The following ANXA6 variants were observed in gnomAD, a reference collection of about 807,000 sequenced individuals.
ANXA6 encodes 67 kDa calelectrin.
In ANXA6, 71 loss-of-function variants were observed where a neutral mutation model predicts 95.4. The observed-to-expected ratio is 0.74, with a 90% CI of 0.61 to 0.91. The LOEUF (loss-of-function observed/expected upper bound fraction) is 0.91. Ranked by LOEUF, ANXA6 falls within the 40% of genes least tolerant of loss-of-function variation. The probability of loss-of-function intolerance (pLI) is 0.00; values close to 1 mark genes in which losing one functional copy is unlikely to be tolerated. For synonymous variants in ANXA6, 289 were observed against 315.9 expected (o/e 0.91, Z 0.90); for missense variants, 830 against 876.4 (o/e 0.95, Z 0.67).
At chr5:151,108,606 G>T in intron 22 of ANXA6, 56 bp from the exon 23 acceptor site, 2 of 1,487,242 alleles carry the variant, frequency 1.3e-6, no homozygotes, top group Non-Finnish European at 9.4e-7. Context: ...GGAGGCGGAG[G>T]ACCCCTCCTC....
chr5:151,106,866 C>T (rs1764706860), intron 23 of ANXA6, among the ~76,000 whole-genome samples: 1 of 152,172 alleles, frequency 6.6e-6, no homozygotes, highest in Admixed American at 6.5e-5. Flanking sequence ...CGATGCCTGC[C>T]ATTGGATGGA....
At chr5:151,104,889 G>A (rs1277697709) in intron 24 of ANXA6, among the ~76,000 whole-genome samples, 2 of 152,226 alleles carry the variant, frequency 1.3e-5, no homozygotes, top group Non-Finnish European at 1.5e-5. Context: ...TCTCAACCTT[G>A]GCATTTGGGG....
chr5:151,129,283 T>G, intron 12 of ANXA6, 124 bp downstream of exon 12: 2 of 1,230,558 alleles, frequency 1.6e-6, no homozygotes, highest in Non-Finnish European at 2.3e-6. Context: ...AGGCAGGAGC[T>G]CCTGGAATGT....
intron 6 of ANXA6, 22 bp from the exon 7 acceptor site, chr5:151,136,357 C>G: frequency 6.2e-7 from 1 of 1,612,690 alleles, no homozygotes; most frequent in Non-Finnish European, 8.5e-7. Context: ...AACGCAAGCT[C>G]TAGTCTCATC....
intron 20 of ANXA6, among the ~76,000 whole-genome samples, chr5:151,111,381 T>C (rs1211463797): frequency 6.6e-6 from 1 of 152,248 alleles, no homozygotes; most frequent in Non-Finnish European, 1.5e-5. Flanking sequence ...GCTGACTTTA[T>C]TCTATTGGAT....
At chr5:151,101,889 C>T (rs1009172121) in intron 25 of ANXA6, among the ~76,000 whole-genome samples, 1 of 152,246 alleles carries the variant, frequency 6.6e-6, no homozygotes, top group Non-Finnish European at 1.5e-5. Context: ...CTCTGAGAAG[C>T]ACTCTGGCCA....
chr5:151,152,727 A>G (rs1382516285), intron 1 of ANXA6, among the ~76,000 whole-genome samples: 1 of 152,162 alleles, frequency 6.6e-6, no homozygotes, highest in African/African-American at 2.4e-5. Flanking sequence ...TTATACATGT[A>G]TAAAGTTAAA....
chr5:151,129,257 C>G, intron 12 of ANXA6, 150 bp downstream of exon 12: 1 of 996,960 alleles, frequency 1.0e-6, no homozygotes, highest in Non-Finnish European at 1.4e-6. Context: ...TCCTTAAATT[C>G]CTTGAATGAG....
intron 25 of ANXA6, 55 bp downstream of exon 25, chr5:151,103,515 T>C: frequency 6.4e-7 from 1 of 1,556,692 alleles, no homozygotes; most frequent in Non-Finnish European, 8.7e-7. Flanking sequence ...TCTAATCTTA[T>C]ATTAGGGATC....
chr5:151,126,551 C>T (rs1357743879), intron 13 of ANXA6, 71 bp from the exon 14 acceptor site: 6 of 481,200 alleles, frequency 1.2e-5, no homozygotes, highest in Non-Finnish European at 2.1e-5. Context: ...CCAACACACA[C>T]ACACACACAC....
At chr5:151,113,652 GT>G (rs1160832456) in intron 20 of ANXA6, among the ~76,000 whole-genome samples, 2 of 152,072 alleles carry the variant, frequency 1.3e-5, no homozygotes, top group Non-Finnish European at 2.9e-5. Flanking sequence ...TAAAAAAAAA[GT>G]GGTGGGACAC....
rs1764795210 is a variant in ANXA6 at position 151,109,740 on chromosome 5, G to A, written c.1684+13C>T. On this transcript the variant is annotated intron_variant, in intron 22 of 25. Transcript: ENST00000354546. ...TTCCTGCTGAGCTGGGAAGGGAGGAGGTCAGGCCTCACCTCTCCGGAGGTG... is the reference window on the plus strand; with the variant it reads ...TTCCTGCTGAGCTGGGAAGGGAGGAAGTCAGGCCTCACCTCTCCGGAGGTG... The A allele has an allele frequency of 1.9e-6, 3 of 1,595,398 alleles. No homozygotes were observed. The highest frequency in any genetic ancestry group is 1.3e-5 in the African/African-American group (1 of 74,622).
chr5:151,141,039 G>A (rs955327906), intron 2 of ANXA6, among the ~76,000 whole-genome samples: 3 of 152,262 alleles, frequency 2.0e-5, no homozygotes, highest in African/African-American at 7.2e-5. Flanking sequence ...AAACTGCGCT[G>A]TGAACTGGCA....
Position 151,147,909 on chromosome 5 carries a change from G to C in ANXA6, c.-8C>G, listed in dbSNP as rs540689076. On this transcript the variant is annotated 5_prime_UTR_variant, in exon 2 of 26. Transcript: ENST00000354546. The stretch of plus-strand genomic sequence containing the variant: ...CTGTGCTGGTTTGGCCATGGTCTCC[G>C]GTTCGCAGCAGAATCCACTGTAGAG... 8 of 1,605,000 alleles carry C rather than the reference G, an allele frequency of 5.0e-6. No individual in the cohort carries two copies. Among genetic ancestry groups the C allele is most frequent in the Non-Finnish European group, 6.0e-6 (7 of 1,175,632 alleles).
At chr5:151,155,587 A>C (rs1766215221) in intron 1 of ANXA6, 1 of 152,194 alleles carries the variant, frequency 6.6e-6, no homozygotes, top group Non-Finnish European at 1.5e-5. Flanking sequence ...GGGTGCATGC[A>C]TGCTCAGGAA....
At chr5:151,106,448 C>A (rs1356956095) in intron 23 of ANXA6, among the ~76,000 whole-genome samples, 2 of 152,114 alleles carry the variant, frequency 1.3e-5, no homozygotes, top group African/African-American at 4.8e-5. Context: ...CATCACACAC[C>A]TCCCATCTCC....
At position 151,139,536 on chromosome 5, in the gene ANXA6, T is replaced by C. The variant is rs941984026; in HGVS notation, c.110-89A>G. On this transcript the variant is annotated intron_variant, in intron 3 of 25. Transcript: ENST00000354546. The stretch of plus-strand genomic sequence containing the variant: ...CTTCCTTCCCTGGACACAGGCCTAG[T>C]AGCTCCCTGCAGGCCTCAGCATGAG... 5.3e-5 allele frequency: 45 copies of C among 856,248 alleles called. 1 individual carries two copies. The highest frequency in any genetic ancestry group is 1.4e-5 in the Non-Finnish European group (7 of 514,636). 53.0% of individuals were successfully genotyped at this position (856,248 alleles called of 1,614,324 possible).
chr5:151,121,125 C>T (rs748116054), intron 17 of ANXA6, among the ~76,000 whole-genome samples: 5 of 152,222 alleles, frequency 3.3e-5, no homozygotes, highest in Non-Finnish European at 7.3e-5. Flanking sequence ...TCTAGCTCCC[C>T]ATTGCTGCCC....
chr5:151,109,957 C>T, intron 21 of ANXA6, 111 bp from the exon 22 acceptor site: 2 of 802,264 alleles, frequency 2.5e-6, no homozygotes, highest in Non-Finnish European at 4.1e-6. Context: ...AAGCTGGGCT[C>T]ACCCAGCCAT....
Sources: gnomAD v4.1 joint callset for allele counts (sites outside exome capture counted in the v4.1 genomes callset) on GRCh38, gnomAD v4.1.1 for gene constraint, MANE v1.5 for transcripts, NCBI Gene and HGNC (gene_info 2026-07-23, HGNC 2026-07-21) for gene names.